The following RAB31 variants were observed in gnomAD, a reference collection of about 807,000 sequenced individuals.
RAB31 encodes RAB31, member RAS oncogene family.
In RAB31, 21 loss-of-function variants were observed where a neutral mutation model predicts 25.6. The ratio of observed to expected loss-of-function variants is 0.82; its 90% CI spans 0.58 to 1.18. The LOEUF (loss-of-function observed/expected upper bound fraction) is 1.18, where lower values mean the gene tolerates loss of function less well. Ranked by LOEUF, RAB31 falls within the 50% of genes most tolerant of loss-of-function variation. The pLI is 0.00. For synonymous variants in RAB31, 87 were observed against 84.0 expected (o/e 1.04, Z -0.20); for missense variants, 196 against 250.1 (o/e 0.78, Z 1.46).
At chr18:9,844,689 T>C in intron 5 of RAB31, 1 of 152,222 alleles carries the variant, frequency 6.6e-6, no homozygotes, top group Admixed American at 6.5e-5. Context: ...TTTTTTATCT[T>C]TGGATCCACC....
chr18:9,829,962 T>G (rs1356193152), intron 5 of RAB31, among the ~76,000 whole-genome samples: 1 of 151,754 alleles, frequency 6.6e-6, no homozygotes, highest in Admixed American at 6.6e-5. Flanking sequence ...CGAATTTAGG[T>G]CTTATATTTT....
At chr18:9,742,194 G>C (rs945950367) in intron 1 of RAB31, among the ~76,000 whole-genome samples, 19 of 152,184 alleles carry the variant, frequency 1.2e-4, no homozygotes, top group African/African-American at 4.6e-4. Context: ...GCAGGCTCTT[G>C]GTGAGGGTTG....
chr18:9,756,206 T>C (rs2068259745), intron 1 of RAB31, among the ~76,000 whole-genome samples: 1 of 152,204 alleles, frequency 6.6e-6, no homozygotes, highest in Non-Finnish European at 1.5e-5. Context: ...CCTTTCCTCA[T>C]GCAGTGCGAT....
intron 1 of RAB31, among the ~76,000 whole-genome samples, chr18:9,745,904 T>C (rs531339423): frequency 6.6e-6 from 1 of 152,248 alleles, no homozygotes; most frequent in East Asian, 1.9e-4. Context: ...CTGTTCAACA[T>C]AGGAAGTCTT....
chr18:9,759,130 G>A (rs919961808), intron 1 of RAB31, among the ~76,000 whole-genome samples: 7 of 152,080 alleles, frequency 4.6e-5, no homozygotes, highest in Non-Finnish European at 7.4e-5. Context: ...GAAACATGGC[G>A]GCTCGGCTAT....
chr18:9,806,489 C>T (rs1035307024), intron 3 of RAB31, among the ~76,000 whole-genome samples: 2 of 150,860 alleles, frequency 1.3e-5, no homozygotes, highest in Admixed American at 6.6e-5. Context: ...GGTGCGGAGG[C>T]TCGGTGGGCC....
At chr18:9,777,571 TTCTC>T (rs771978003) in intron 2 of RAB31, among the ~76,000 whole-genome samples, 6 of 152,036 alleles carry the variant, frequency 3.9e-5, no homozygotes, top group Non-Finnish European at 8.8e-5. Context: ...ATGTACTTTT[TTCTC>T]TCTCTCTCTT....
chr18:9,728,625 C>T (rs953510675), intron 1 of RAB31, among the ~76,000 whole-genome samples: 1 of 152,194 alleles, frequency 6.6e-6, no homozygotes, highest in Non-Finnish European at 1.5e-5. Flanking sequence ...ACAACCTCTG[C>T]CTCCCAGGTT....
chr18:9,770,036 A>G (rs935950959), intron 1 of RAB31, among the ~76,000 whole-genome samples: 4 of 152,218 alleles, frequency 2.6e-5, no homozygotes, highest in African/African-American at 9.7e-5. Context: ...CCGGGGATAA[A>G]GCCAACTTGA....
intron 1 of RAB31, among the ~76,000 whole-genome samples, chr18:9,712,575 G>C (rs1170626087): frequency 3.3e-5 from 5 of 152,236 alleles, no homozygotes; most frequent in African/African-American, 1.2e-4. Context: ...TGAGGCAGCA[G>C]CTGCTTCAAC....
At position 9,861,122 on chromosome 18, in the gene RAB31, A is replaced by G. The variant is rs1051689073; in HGVS notation, c.*1797A>G. 1 of 150,450 alleles carries G rather than the reference A, an allele frequency of 6.6e-6. No individual in the cohort carries two copies. The highest frequency in any genetic ancestry group is 2.4e-5 in the African/African-American group (1 of 41,026). 9.3% of individuals were successfully genotyped at this position (150,450 alleles called of 1,614,324 possible). A position where few individuals can be genotyped will look rare whatever the true frequency, so the allele number is the denominator to read the frequency against. Reference sequence around the variant, plus strand: ...CAAAGGTAAAAAAAAAAAAAAAAAAATGAGTTGAAAATTGAAGTGACCTCT... The same window carrying G: ...CAAAGGTAAAAAAAAAAAAAAAAAAGTGAGTTGAAAATTGAAGTGACCTCT... On this transcript the variant is annotated 3_prime_UTR_variant, in exon 7 of 7. Transcript: ENST00000578921.
In RAB31 at chr18:9,783,783, C is replaced by A. The variant is rs756198244; in HGVS notation, c.120-8371C>A. On this transcript the variant is annotated intron_variant, in intron 2 of 6. Coordinates refer to ENST00000578921, the MANE Select transcript of RAB31 (RefSeq NM_006868.4). Reference sequence around the variant, plus strand: ...CAAGGTCATGAACTTGAGAAAAATTCCTTTACAAAGAAAAATGCAAGCGAA... The same window carrying A: ...CAAGGTCATGAACTTGAGAAAAATTACTTTACAAAGAAAAATGCAAGCGAA... 1.2e-4 allele frequency among the ~76,000 whole-genome samples: 18 copies of A among 152,080 alleles called. No individual in the cohort carries two copies. In the South Asian group the frequency reaches 2.5e-3, roughly 21 times the overall value.
chr18:9,855,500 A>T (rs2068811434), intron 6 of RAB31, among the ~76,000 whole-genome samples: 1 of 152,162 alleles, frequency 6.6e-6, no homozygotes. Flanking sequence ...TTCCAAGGTG[A>T]TCACCTTGGT....
At chr18:9,737,323 C>T (rs552361998) in intron 1 of RAB31, among the ~76,000 whole-genome samples, 3 of 152,018 alleles carry the variant, frequency 2.0e-5, no homozygotes, top group Non-Finnish European at 4.4e-5. Flanking sequence ...ACACACACAC[C>T]CCCACACCCA....
At chr18:9,802,694 G>T (rs553597827) in intron 3 of RAB31, among the ~76,000 whole-genome samples, 15 of 152,340 alleles carry the variant, frequency 9.8e-5, no homozygotes, top group Middle Eastern at 3.4e-3. Context: ...AGTCTGCATG[G>T]TTTGAAAGAT....
chr18:9,719,067 C>T (rs550613376), intron 1 of RAB31, among the ~76,000 whole-genome samples: 7 of 151,226 alleles, frequency 4.6e-5, no homozygotes, highest in African/African-American at 1.2e-4. Flanking sequence ...GTCAGGAGTT[C>T]GAGACCAGCC....
At chr18:9,752,347 C>T (rs2068239333) in intron 1 of RAB31, among the ~76,000 whole-genome samples, 1 of 152,122 alleles carries the variant, frequency 6.6e-6, no homozygotes, top group African/African-American at 2.4e-5. Flanking sequence ...GTCTAAGCCT[C>T]CTGAGTAGCT....
At chr18:9,842,172 G>A (rs927945797) in intron 5 of RAB31, among the ~76,000 whole-genome samples, 11 of 152,112 alleles carry the variant, frequency 7.2e-5, no homozygotes, top group Admixed American at 4.6e-4. Context: ...TCAGCAGCCC[G>A]GACCCTCTCA....
intron 3 of RAB31, among the ~76,000 whole-genome samples, chr18:9,810,154 C>T (rs1034983351): frequency 1.1e-4 from 16 of 152,188 alleles, no homozygotes; most frequent in Admixed American, 8.5e-4. Context: ...TTAATTTGGT[C>T]TTCTAGATGT....
Sources: allele counts gnomAD v4.1 joint callset (sites outside exome capture counted in the v4.1 genomes callset), GRCh38; gene constraint gnomAD v4.1.1; transcripts MANE v1.5; gene names NCBI Gene and HGNC (gene_info 2026-07-23, HGNC 2026-07-21).